The following NSMCE2 variants were observed in gnomAD, a reference collection of about 807,000 sequenced individuals.
The protein encoded by NSMCE2 is E3 SUMO-protein ligase NSE2.
A neutral mutation model predicts 23.8 loss-of-function variants in NSMCE2; 24 were observed. The ratio of observed to expected loss-of-function variants is 1.01; its 90% CI spans 0.73 to 1.42. The LOEUF (loss-of-function observed/expected upper bound fraction) is 1.42, where lower values mean the gene tolerates loss of function less well. Among genes scored for constraint, NSMCE2 ranks in the 40% most tolerant of loss-of-function variants. The probability of loss-of-function intolerance (pLI) is 0.00; values close to 1 mark genes in which losing one functional copy is unlikely to be tolerated. For synonymous variants in NSMCE2, 92 were observed against 94.1 expected, an observed-to-expected ratio of 0.98 and a Z score of 0.13; for missense variants, 284 against 296.5, an observed-to-expected ratio of 0.96 and a Z score of 0.31.
At chr8:125,199,872 C>T (rs1312762968) in intron 5 of NSMCE2, among the ~76,000 whole-genome samples, 3 of 152,100 alleles carry the variant, frequency 2.0e-5, no homozygotes, top group Non-Finnish European at 2.9e-5. Context: ...GTGTTGGGTG[C>T]ATATATATTT....
At chr8:125,330,676 A>G (rs1829842296) in intron 5 of NSMCE2, among the ~76,000 whole-genome samples, 1 of 152,176 alleles carries the variant, frequency 6.6e-6, no homozygotes, top group Non-Finnish European at 1.5e-5. Flanking sequence ...TAAGCCTCGA[A>G]TGTACGCTAG....
chr8:125,234,942 C>T (rs898044989), intron 5 of NSMCE2, among the ~76,000 whole-genome samples: 2 of 151,892 alleles, frequency 1.3e-5, no homozygotes, highest in Non-Finnish European at 2.9e-5. Context: ...ATTTCAAGTC[C>T]TGGCTTTTAC....
intron 3 of NSMCE2, among the ~76,000 whole-genome samples, chr8:125,147,686 A>C (rs1820766108): frequency 6.6e-6 from 1 of 152,070 alleles, no homozygotes; most frequent in Non-Finnish European, 1.5e-5. Flanking sequence ...TATACTGTGG[A>C]ATCAAGTAGC....
intron 5 of NSMCE2, among the ~76,000 whole-genome samples, chr8:125,238,469 A>G (rs1363531247): frequency 6.6e-6 from 1 of 152,268 alleles, no homozygotes; most frequent in African/African-American, 2.4e-5. Flanking sequence ...CACAGATAAC[A>G]GGGCAAATCC....
chr8:125,282,012 C>T (rs1827714868), intron 5 of NSMCE2, among the ~76,000 whole-genome samples: 1 of 152,150 alleles, frequency 6.6e-6, no homozygotes, highest in African/African-American at 2.4e-5. Flanking sequence ...AAAACTGGTC[C>T]CATTGAAATT....
intron 5 of NSMCE2, among the ~76,000 whole-genome samples, chr8:125,325,309 ATAAAATAAAATAAAG>A (rs369604813): frequency 0.018 from 2,165 of 120,518 alleles, 44 homozygotes; most frequent in African/African-American, 0.05. Context: ...ATAAAATAAA[ATAAAATAAAATAAAG>A]TAAAATAAAA....
intron 3 of NSMCE2, among the ~76,000 whole-genome samples, chr8:125,133,050 A>G (rs1819854878): frequency 6.6e-6 from 1 of 152,204 alleles, no homozygotes; most frequent in African/African-American, 2.4e-5. Flanking sequence ...TCAATCCAAT[A>G]TAATTTCCAC....
At chr8:125,268,793 T>G (rs1172454784) in intron 5 of NSMCE2, among the ~76,000 whole-genome samples, 1 of 152,076 alleles carries the variant, frequency 6.6e-6, no homozygotes, top group Non-Finnish European at 1.5e-5. Context: ...GGAAGTAATT[T>G]TAGGAAGAGT....
chr8:125,316,022 G>A (rs571102236), intron 5 of NSMCE2, among the ~76,000 whole-genome samples: 4 of 152,084 alleles, frequency 2.6e-5, no homozygotes, highest in Non-Finnish European at 5.9e-5. Context: ...GCCCGGGCTG[G>A]TCTCAAATTC....
At chr8:125,302,203 C>T (rs1047165642) in intron 5 of NSMCE2, among the ~76,000 whole-genome samples, 8 of 152,168 alleles carry the variant, frequency 5.3e-5, no homozygotes, top group African/African-American at 1.2e-4. Context: ...GTCATCTGCC[C>T]GCCTCGGCCT....
At chr8:125,363,622 AAAG>A (rs957889218) in intron 7 of NSMCE2, among the ~76,000 whole-genome samples, 3 of 133,130 alleles carry the variant, frequency 2.3e-5, no homozygotes, top group South Asian at 5.7e-4. Flanking sequence ...GGAGGGAAGG[AAAG>A]AAGGAAGGAA....
At chr8:125,340,532 C>T (rs1449070757) in intron 5 of NSMCE2, among the ~76,000 whole-genome samples, 3 of 152,082 alleles carry the variant, frequency 2.0e-5, no homozygotes, top group African/African-American at 7.2e-5. Flanking sequence ...TTTACTTGTT[C>T]CTGCTTTGCC....
At chr8:125,363,099 C>T in intron 7 of NSMCE2, 1 of 152,212 alleles carries the variant, frequency 6.6e-6, no homozygotes, top group African/African-American at 2.4e-5. Context: ...CAGCAACCTA[C>T]TTGGAGTTGC....
At chr8:125,313,606 G>A (rs1431563994) in intron 5 of NSMCE2, among the ~76,000 whole-genome samples, 1 of 152,126 alleles carries the variant, frequency 6.6e-6, no homozygotes, top group African/African-American at 2.4e-5. Context: ...ACATAAAGGA[G>A]ACTGAAGCAA....
intron 5 of NSMCE2, among the ~76,000 whole-genome samples, chr8:125,234,953 C>CA (rs113207744): frequency 0.022 from 3,148 of 146,298 alleles, 99 homozygotes; most frequent in African/African-American, 0.083. Context: ...TGGCTTTTAC[C>CA]AAAAAACTTT....
chr8:125,129,544 CTGTGTGTG>C (rs10578122), intron 3 of NSMCE2, among the ~76,000 whole-genome samples: 41 of 145,450 alleles, frequency 2.8e-4, no homozygotes, highest in Admixed American at 1.0e-3. Context: ...AGATTTGGCT[CTGTGTGTG>C]TGTGTGTGTG....
At chr8:125,163,519 T>G (rs1563690139) in intron 4 of NSMCE2, among the ~76,000 whole-genome samples, 1 of 152,182 alleles carries the variant, frequency 6.6e-6, no homozygotes, top group African/African-American at 2.4e-5. Flanking sequence ...AGCTTCCTCA[T>G]TTCTAAAATG....
chr8:125,132,654 C>G (rs760407493), intron 3 of NSMCE2, among the ~76,000 whole-genome samples: 1 of 152,016 alleles, frequency 6.6e-6, no homozygotes, highest in Non-Finnish European at 1.5e-5. Flanking sequence ...CTACCACACT[C>G]GGGTCATTCT....
intron 3 of NSMCE2, among the ~76,000 whole-genome samples, chr8:125,150,731 C>T (rs140246169): frequency 6.6e-6 from 1 of 152,058 alleles, no homozygotes; most frequent in African/African-American, 2.4e-5. Context: ...TAATCTAGCT[C>T]TGTGTTATTA....
Sources: allele counts gnomAD v4.1 joint callset (sites outside exome capture counted in the v4.1 genomes callset), GRCh38; gene constraint gnomAD v4.1.1; transcripts MANE v1.5; gene names NCBI Gene and HGNC (gene_info 2026-07-23, HGNC 2026-07-21).